Variants in ARHGAP39 observed in about 807,000 individuals in gnomAD.
The protein encoded by ARHGAP39 is rho GTPase-activating protein 39.
A neutral mutation model predicts 106.9 loss-of-function variants in ARHGAP39; 44 were observed. That is an observed-to-expected ratio of 0.41 (90% confidence interval 0.32 to 0.53). ARHGAP39 has a LOEUF of 0.53. Ranked by LOEUF, ARHGAP39 falls within the 20% of genes least tolerant of loss-of-function variation. The pLI, the probability that ARHGAP39 is intolerant of heterozygous loss-of-function variation, is 0.21. For synonymous variants in ARHGAP39, 768 were observed against 693.2 expected (o/e 1.11, Z -1.69); for missense variants, 1,496 against 1,577.3 (o/e 0.95, Z 0.87).
chr8:144,605,440 A>G, intron 2 of ARHGAP39, 95 bp downstream of exon 2: 1 of 1,322,836 alleles, frequency 7.6e-7, no homozygotes, highest in Non-Finnish European at 1.1e-6. Flanking sequence ...TTCTCCACGG[A>G]GAATCCTGCA....
In ARHGAP39 at chr8:144,548,237, C is replaced by G; in HGVS notation, c.849G>C (p.Gly283=). 6.2e-7 allele frequency: 1 copy of G among 1,608,398 alleles called. No individual in the cohort carries two copies. The highest frequency in any genetic ancestry group is 8.5e-7 in the Non-Finnish European group (1 of 1,177,326). Residue 283 remains glycine, a synonymous_variant, in exon 5 of 12, where the codon GGG becomes GGC. Coordinates refer to ENST00000377307, the MANE Select transcript of ARHGAP39 (RefSeq NM_025251.3). This position sits in a 1 kb window ranked among gnomAD's most constrained non-coding sequence, Gnocchi z 7.4. ...SPFLKRAELP[G]SSSPLLAQPR... Reference sequence around the variant, plus strand: ...GCTGGGCCAGCAGCGGGGAGCTGCTCCCTGGGAGCTCGGCCCTCTTCAGGA... The same window carrying G: ...GCTGGGCCAGCAGCGGGGAGCTGCTGCCTGGGAGCTCGGCCCTCTTCAGGA...
rs1446653160 is a variant in ARHGAP39, at chr8:144,671,354, G to A, written c.-82+14332C>T. Among the ~76,000 whole-genome samples, 1 of 152,200 alleles carries A rather than the reference G, an allele frequency of 6.6e-6. No individual in the cohort carries two copies. The highest frequency in any genetic ancestry group is 1.5e-5 in the Non-Finnish European group (1 of 68,032). On this transcript the variant is annotated intron_variant, in intron 1 of 11. Transcript: ENST00000377307. The surrounding 1 kb of genome is among the most constrained non-coding windows in gnomAD (Gnocchi z 4.5). ...GATGTTTTCCGCAAAAGAAATGAAC[G>A]AATAAAGCTGGAGTTAGAAAGAAGC...
Position 144,548,577 on chromosome 8 carries a change from C to A in ARHGAP39, c.597-88G>T. ...CCCTCGGGGGCTGTAGGCAGCGGCT[C>A]CCGCGAACCCTCTGTTGTACACCTT... On this transcript the variant is annotated intron_variant, in intron 4 of 11. Coordinates refer to ENST00000377307, the MANE Select transcript of ARHGAP39 (RefSeq NM_025251.3). This position sits in a 1 kb window ranked among gnomAD's most constrained non-coding sequence, Gnocchi z 7.4. 1 of 1,480,526 alleles carries A rather than the reference C, an allele frequency of 6.8e-7. No individual in the cohort carries two copies. Among genetic ancestry groups the A allele is most frequent in the Non-Finnish European group, 9.0e-7 (1 of 1,113,018 alleles). The allele number at this position is 1,480,526 out of a possible 1,614,324, so 91.7% of individuals were successfully genotyped here. A position where few individuals can be genotyped will look rare whatever the true frequency, so the allele number is the denominator to read the frequency against.
chr8:144,597,258 T>C (rs974551945), intron 2 of ARHGAP39, among the ~76,000 whole-genome samples: 20 of 152,136 alleles, frequency 1.3e-4, no homozygotes, highest in African/African-American at 4.6e-4. Context: ...CTCCACCCGA[T>C]GCAGCAACCA....
At chr8:144,663,610 C>A (rs1378316076) in intron 1 of ARHGAP39, among the ~76,000 whole-genome samples, 8 of 152,158 alleles carry the variant, frequency 5.3e-5, no homozygotes, top group East Asian at 1.9e-4. Context: ...CTAGGCCTCA[C>A]GTGGCAGGAG....
In ARHGAP39 at chr8:144,591,877, G is replaced by T. The variant is rs777806531; in HGVS notation, c.81-10600C>A. ...GATGGCGGCGTCGCCTCGTCGCCTC[G>T]TGCCTGCGGGGAGTGCTGCCTGTGG... On this transcript the variant is annotated intron_variant, in intron 2 of 11. Transcript: ENST00000377307. This position sits in a 1 kb window ranked among gnomAD's most constrained non-coding sequence, Gnocchi z 5.3. 6.6e-6 allele frequency among the ~76,000 whole-genome samples: 1 copy of T among 152,128 alleles called. No homozygotes were observed. The highest frequency in any genetic ancestry group is 1.5e-5 in the Non-Finnish European group (1 of 68,016).
At chr8:144,642,671 A>G (rs910963895) in intron 1 of ARHGAP39, among the ~76,000 whole-genome samples, 6 of 152,122 alleles carry the variant, frequency 3.9e-5, no homozygotes, top group African/African-American at 7.2e-5. Context: ...ATGACTGTGA[A>G]TAAGTGTCAT....
chr8:144,602,407 G>T (rs1259740078), intron 2 of ARHGAP39, among the ~76,000 whole-genome samples: 8 of 144,984 alleles, frequency 5.5e-5, no homozygotes, highest in South Asian at 2.3e-4. Context: ...GTGGAGGCGT[G>T]TGTGTGCTTG....
chr8:144,684,627 C>T lies in ARHGAP39; in HGVS notation c.-82+1059G>A, dbSNP rs1822529225. On this transcript the variant is annotated intron_variant, in intron 1 of 11. Coordinates refer to ENST00000377307, the MANE Select transcript of ARHGAP39 (RefSeq NM_025251.3). The surrounding 1 kb of genome is among the most constrained non-coding windows in gnomAD (Gnocchi z 4.4). ...CCCACAGCTGCCAAGGAGCCGGCTG[C>T]ACGTTTTAAAATAAAAAACGTCCTG... 1.3e-5 allele frequency among the ~76,000 whole-genome samples: 2 copies of T among 152,176 alleles called. No individual in the cohort carries two copies. The highest frequency in any genetic ancestry group is 4.8e-5 in the African/African-American group (2 of 41,446).
At chr8:144,532,475 T>C (rs1014722425) in intron 9 of ARHGAP39, 79 bp from the exon 10 acceptor site, 1 of 1,328,680 alleles carries the variant, frequency 7.5e-7, no homozygotes, top group South Asian at 1.2e-5. Flanking sequence ...CTCCCTCCGG[T>C]AGGCCCCTGC....
chr8:144,531,222 G>C (rs1816704186), intron 10 of ARHGAP39, among the ~76,000 whole-genome samples: 1 of 131,366 alleles, frequency 7.6e-6, no homozygotes, highest in African/African-American at 3.2e-5. Context: ...GCTAGACATA[G>C]CAGGCACGGC....
intron 1 of ARHGAP39, among the ~76,000 whole-genome samples, chr8:144,655,194 G>C (rs1400959961): frequency 6.6e-6 from 1 of 152,148 alleles, no homozygotes; most frequent in Non-Finnish European, 1.5e-5. Context: ...TGAAGGCTGG[G>C]GGCTGGGCTG....
chr8:144,533,945 G>C (rs1816844392), intron 8 of ARHGAP39, among the ~76,000 whole-genome samples, 184 bp downstream of exon 8: 1 of 152,118 alleles, frequency 6.6e-6, no homozygotes, highest in South Asian at 2.1e-4. Context: ...GCCCCCGGGG[G>C]AGGGTGCAGC....
intron 1 of ARHGAP39, among the ~76,000 whole-genome samples, chr8:144,622,619 G>A (rs913358753): frequency 2.0e-5 from 3 of 152,210 alleles, no homozygotes; most frequent in African/African-American, 7.2e-5. Flanking sequence ...GGACACTTGC[G>A]TTCTGTCAGA....
intron 1 of ARHGAP39, among the ~76,000 whole-genome samples, chr8:144,610,346 T>G (rs1339358375): frequency 6.6e-6 from 1 of 152,204 alleles, no homozygotes; most frequent in Non-Finnish European, 1.5e-5. Flanking sequence ...TTTGCATCCT[T>G]TAGACTTAAT....
intron 1 of ARHGAP39, 53 bp from the exon 2 acceptor site, chr8:144,605,748 A>C: frequency 1.2e-6 from 1 of 830,450 alleles, no homozygotes; most frequent in South Asian, 1.6e-5. Context: ...TCACCACACC[A>C]ATCACCCGGC....
At chr8:144,688,886 T>G (rs575830302), upstream of ARHGAP39, among the ~76,000 whole-genome samples, 1 of 152,266 alleles carries the variant, frequency 6.6e-6, no homozygotes, top group South Asian at 2.1e-4. Flanking sequence ...CAACATATTT[T>G]AAAAATTGCA....
chr8:144,549,555 C>T (rs773229341), intron 4 of ARHGAP39, among the ~76,000 whole-genome samples: 37 of 152,180 alleles, frequency 2.4e-4, no homozygotes, highest in Admixed American at 7.8e-4. Flanking sequence ...TATAGCGGCA[C>T]GGTCTTGCCT....
chr8:144,698,897 T>TG, the ARHGAP39 span: 40 of 455,668 alleles, frequency 8.8e-5, no homozygotes, highest in African/African-American at 2.4e-4. Context: ...TTGGGGGGGT[T>TG]GGGGGGTCCA....
Sources: gnomAD v4.1 joint callset for allele counts (sites outside exome capture counted in the v4.1 genomes callset) on GRCh38, gnomAD v4.1.1 for gene constraint, Gnocchi (gnomAD v3.1) non-coding constraint, MANE v1.5 for transcripts, NCBI Gene and HGNC (gene_info 2026-07-23, HGNC 2026-07-21) for gene names.